The following RIF1 variants were observed in gnomAD, a reference collection of about 807,000 sequenced individuals.
The protein encoded by RIF1 is replication timing regulatory factor 1.
Under a neutral mutation model 247.1 loss-of-function variants are expected in RIF1, and 45 were observed. That is an observed-to-expected ratio of 0.18 (90% confidence interval 0.14 to 0.23). RIF1 has a LOEUF of 0.23. Among genes scored for constraint, RIF1 ranks in the 10% least tolerant of loss-of-function variants. The pLI, the probability that RIF1 is intolerant of heterozygous loss-of-function variation, is 1.00. For synonymous variants in RIF1, 1,087 were observed against 978.8 expected (o/e 1.11, Z -2.06); for missense variants, 2,967 against 2,862.5 (o/e 1.04, Z -0.83).
downstream of RIF1, among the ~76,000 whole-genome samples, chr2:151,509,639 T>C (rs1348513898): frequency 6.6e-6 from 1 of 152,154 alleles, no homozygotes; most frequent in Non-Finnish European, 1.5e-5. Flanking sequence ...TTTGGTTTTT[T>C]GTTTTTTGAG....
chr2:151,517,567 A>G, the RIF1 span, among the ~76,000 whole-genome samples: 2 of 152,160 alleles, frequency 1.3e-5, no homozygotes, highest in African/African-American at 4.8e-5. Context: ...TTGTTATGCA[A>G]TTTCATCATT....
Position 151,481,296 on chromosome 2 carries a change from G to A in RIF1, c.*6225G>A, listed in dbSNP as rs1308255424. 6.6e-6 allele frequency: 1 copy of A among 152,174 alleles called. No individual in the cohort carries two copies. The highest frequency in any genetic ancestry group is 2.4e-5 in the African/African-American group (1 of 41,422). The allele number at this position is 152,174 out of a possible 1,614,324, so 9.4% of individuals were successfully genotyped here. On this transcript the variant is annotated 3_prime_UTR_variant, in exon 36 of 36. Transcript: ENST00000444746. Reference sequence around the variant, plus strand: ...TGTGTTTTCCAGAATGGCTTCTCCTGATTTTACTTACGTGTTTTACTATTG... The same window carrying A: ...TGTGTTTTCCAGAATGGCTTCTCCTAATTTTACTTACGTGTTTTACTATTG...
At chr2:151,424,676 CTT>C (rs952087242) in intron 8 of RIF1, among the ~76,000 whole-genome samples, 8 of 151,560 alleles carry the variant, frequency 5.3e-5, no homozygotes, top group South Asian at 4.2e-4. Flanking sequence ...GCTCCAAACT[CTT>C]TTTTTGAGAC....
intron 13 of RIF1, chr2:151,507,683 TTGAA>T: frequency 3.7e-6 from 1 of 267,716 alleles, no homozygotes; most frequent in Non-Finnish European, 7.1e-6. Context: ...GAAGCTTTTA[TTGAA>T]TAAATTGTGT....
At chr2:151,486,493 TC>T (rs2050518249), downstream of RIF1, 1 of 153,184 alleles carries the variant, frequency 6.5e-6, no homozygotes, top group South Asian at 2.1e-4. Flanking sequence ...CAAATTCCAC[TC>T]CTAGGTGTAT....
chr2:151,411,163 TAGAA>T (rs962342980), intron 2 of RIF1, 93 bp from the exon 3 acceptor site: 10 of 761,300 alleles, frequency 1.3e-5, no homozygotes, highest in Non-Finnish European at 2.0e-5. Context: ...TTGCAGGAGT[TAGAA>T]AGTAATTTTT....
In RIF1 at chr2:151,461,122, T is replaced by A; in HGVS notation, c.3076-16T>A. On this transcript the variant is annotated splice_polypyrimidine_tract_variant and intron_variant, in intron 26 of 35. Coordinates refer to ENST00000444746, the MANE Select transcript of RIF1 (RefSeq NM_018151.5). ...GAAGCTAAAATGTACATTTGCTTAT[T>A]TTTTCAAATCTGCAGCTGAAACTTG... The A allele has an allele frequency of 6.3e-7, 1 of 1,599,420 alleles. No homozygotes were observed. The highest frequency in any genetic ancestry group is 1.4e-5 in the African/African-American group (1 of 73,876).
At chr2:151,436,741 G>C (rs567118819) in intron 11 of RIF1, 86 bp from the exon 12 acceptor site, 1 of 972,926 alleles carries the variant, frequency 1.0e-6, no homozygotes, top group East Asian at 2.7e-5. Context: ...GTTTTTAAAA[G>C]TTTCATTGAA....
the RIF1 span, chr2:151,519,818 G>T: frequency 3.3e-6 from 4 of 1,198,134 alleles, no homozygotes; most frequent in African/African-American, 6.0e-5. Context: ...CAATCAATTT[G>T]GGAATTGGGG....
chr2:151,493,673 A>T lies in RIF1; in HGVS notation c.*416-1556A>T, dbSNP rs758096152. 4.4e-5 allele frequency: 43 copies of T among 980,226 alleles called. 1 individual carries two copies. The Admixed American group carries it at 5.4e-4, about 12-fold the overall frequency. 60.7% of individuals were successfully genotyped at this position (980,226 alleles called of 1,614,324 possible). On this transcript the variant is annotated intron_variant and NMD_transcript_variant, in intron 9 of 13. Transcript: ENST00000454583. ...AGTGGACAAGGAAGAATTTTTAAAG[A>T]TACACAAAAGTTTTGGAAAAACTGT...
rs554120506 is a variant in RIF1, at chr2:151,493,629, G to GGTTGGTTTGTT, written c.*416-1596_*416-1586dup. ...AAGTAAAATCACTGTGACCTCGTGG[G>GGTTGGTTTGTT]GTTGGTTTGTTGTTTTTAAGTGGAC... On this transcript the variant is annotated intron_variant and NMD_transcript_variant, in intron 9 of 13. Coordinates refer to the RIF1 transcript ENST00000454583. The GGTTGGTTTGTT allele has an allele frequency of 5.1e-5, 38 of 751,172 alleles. No individual in the cohort carries two copies. The East Asian group carries it at 1.0e-3, about 20-fold the overall frequency. The allele number at this position is 751,172 out of a possible 1,614,324, so 46.5% of individuals were successfully genotyped here. A position where few individuals can be genotyped will look rare whatever the true frequency, so the allele number is the denominator to read the frequency against.
At chr2:151,489,719 A>G (rs1035205234) in intron 9 of RIF1, among the ~76,000 whole-genome samples, 1 of 152,078 alleles carries the variant, frequency 6.6e-6, no homozygotes, top group South Asian at 2.1e-4. Flanking sequence ...AGTAGGTGAG[A>G]CCAATGAGCC....
chr2:151,416,919 G>T lies in RIF1; in HGVS notation c.503+18G>T, dbSNP rs563705559. On this transcript the variant is annotated intron_variant, in intron 6 of 35. Coordinates refer to ENST00000444746, the MANE Select transcript of RIF1 (RefSeq NM_018151.5). ...ATCGTAAGGTATGCATTTGGATGTT[G>T]TGCAAATTGAAGAATAGTTTTCATA... 5 of 1,561,988 alleles carry T rather than the reference G, an allele frequency of 3.2e-6. No homozygotes were observed. The highest frequency in any genetic ancestry group is 2.7e-5 in the African/African-American group (2 of 73,724).
chr2:151,508,622 C>T (rs1021945787), downstream of RIF1, among the ~76,000 whole-genome samples: 5 of 152,218 alleles, frequency 3.3e-5, no homozygotes, highest in East Asian at 1.9e-4. Flanking sequence ...AGGACTGAGC[C>T]GGCAGTCAGA....
In RIF1 at chr2:151,414,934, T is replaced by C. The variant is rs560354037; in HGVS notation, c.280+15T>C. 2.4e-5 allele frequency: 35 copies of C among 1,468,490 alleles called. No homozygotes were observed. The highest frequency in any genetic ancestry group is 3.1e-5 in the Non-Finnish European group (33 of 1,053,450). 91.0% of individuals were successfully genotyped at this position (1,468,490 alleles called of 1,614,324 possible). On this transcript the variant is annotated intron_variant, in intron 4 of 35. Transcript: ENST00000444746. ...AGAATTATCAGGTAGATAAATTTCTTATGACTTAATATTTTTAGAGTATAA... is the reference window on the plus strand; with the variant it reads ...AGAATTATCAGGTAGATAAATTTCTCATGACTTAATATTTTTAGAGTATAA...
At chr2:151,469,674 CTA>C in intron 33 of RIF1, 35 bp from the exon 34 acceptor site, 3 of 1,411,152 alleles carry the variant, frequency 2.1e-6, no homozygotes, top group Middle Eastern at 2.3e-4. Flanking sequence ...ATAAATAAAA[CTA>C]TATAATTATA....
chr2:151,424,811 A>G (rs1227427144), intron 8 of RIF1, among the ~76,000 whole-genome samples: 1 of 94,944 alleles, frequency 1.1e-5, no homozygotes, highest in African/African-American at 4.1e-5. Flanking sequence ...TGGGACTACC[A>G]CCCAGCCCGG....
intron 9 of RIF1, chr2:151,493,233 C>A (rs2057941463): frequency 2.6e-6 from 2 of 778,894 alleles, no homozygotes; most frequent in African/African-American, 1.8e-5. Flanking sequence ...CAAGATGTTG[C>A]ATTTTTCTCT....
intron 8 of RIF1, among the ~76,000 whole-genome samples, chr2:151,428,516 T>C (rs1002911632): frequency 1.3e-5 from 2 of 152,216 alleles, no homozygotes; most frequent in African/African-American, 4.8e-5. Context: ...TTCTGTGTTG[T>C]ACATTGTCTG....
Sources: allele counts gnomAD v4.1 joint callset (sites outside exome capture counted in the v4.1 genomes callset), GRCh38; gene constraint gnomAD v4.1.1; transcripts MANE v1.5; gene names NCBI Gene and HGNC (gene_info 2026-07-23, HGNC 2026-07-21).